The following EFHB variants were observed in gnomAD, a reference collection of about 807,000 sequenced individuals.
EFHB encodes EF-hand domain family member B, also known as EF-hand domain-containing family member B.
EFHB carries 91 observed loss-of-function variants against 87.2 expected under a neutral mutation model. That is an observed-to-expected ratio of 1.04 (90% CI 0.88 to 1.24). The LOEUF (loss-of-function observed/expected upper bound fraction) is 1.24. Ranked by LOEUF, EFHB falls within the 50% of genes most tolerant of loss-of-function variation. The pLI is 0.00. For missense variants in EFHB, 1,084 were observed against 998.8 expected (o/e 1.09, Z -1.15); for synonymous variants, 325 against 333.6 (o/e 0.97, Z 0.28).
chr3:19,919,694 T>C (rs1214397008), intron 3 of EFHB, 139 bp downstream of exon 3: 13 of 870,126 alleles, frequency 1.5e-5, no homozygotes, highest in Non-Finnish European at 2.3e-5. Context: ...TAAATGCTTT[T>C]GGAAGACAGA....
At chr3:19,906,501 G>A (rs555874129) in intron 5 of EFHB, among the ~76,000 whole-genome samples, 5 of 152,038 alleles carry the variant, frequency 3.3e-5, no homozygotes, top group African/African-American at 4.8e-5. Flanking sequence ...TTAACCAAGG[G>A]GGTAAAAGAC....
intron 6 of EFHB, among the ~76,000 whole-genome samples, chr3:19,900,665 A>G (rs1051178429): frequency 2.0e-5 from 3 of 152,188 alleles, no homozygotes; most frequent in Non-Finnish European, 4.4e-5. Context: ...ACGGTGGCTC[A>G]TACCTGTAAT....
intron 6 of EFHB, among the ~76,000 whole-genome samples, chr3:19,900,102 G>A (rs1694620776): frequency 1.3e-5 from 2 of 151,868 alleles, no homozygotes; most frequent in Non-Finnish European, 2.9e-5. Flanking sequence ...AGTGTAACTC[G>A]TAAAATTGCT....
intron 1 of EFHB, among the ~76,000 whole-genome samples, chr3:19,924,688 C>A (rs1695556932): frequency 6.6e-6 from 1 of 152,084 alleles, no homozygotes; most frequent in Admixed American, 6.6e-5. Flanking sequence ...CTTTAGGATT[C>A]TTCTCATTTT....
chr3:19,879,905 A>C, intron 12 of EFHB, 101 bp from the exon 13 acceptor site: 2 of 1,193,434 alleles, frequency 1.7e-6, no homozygotes, highest in Non-Finnish European at 2.3e-6. Context: ...TTTTCCAAAA[A>C]AGTATGTGTG....
At position 19,882,545 on chromosome 3, in the gene EFHB, T is replaced by A; in HGVS notation, c.2328+5A>T. On this transcript the variant is annotated splice_donor_5th_base_variant and intron_variant, in intron 12 of 12. Transcript: ENST00000295824. The stretch of plus-strand genomic sequence containing the variant: ...TTTCCATTTTTGTATGCTTATATGC[T>A]ATACCTCTTCTTTTGATCTGGTCTT... 6.3e-7 allele frequency: 1 copy of A among 1,590,068 alleles called. No homozygotes were observed.
chr3:19,934,865 T>G (rs1011438959), upstream of EFHB, among the ~76,000 whole-genome samples: 4 of 152,220 alleles, frequency 2.6e-5, no homozygotes, highest in African/African-American at 9.6e-5. Context: ...TTAAAGTCCT[T>G]GAGAACACTT....
At chr3:19,910,097 T>C (rs1447349666) in intron 5 of EFHB, among the ~76,000 whole-genome samples, 1 of 151,764 alleles carries the variant, frequency 6.6e-6, no homozygotes, top group African/African-American at 2.4e-5. Flanking sequence ...AGGGGAACTT[T>C]GTCCTACACC....
chr3:19,934,096 C>CT lies in EFHB; in HGVS notation c.-79dup. 1 of 1,485,824 alleles carries CT rather than the reference C, an allele frequency of 6.7e-7. No individual in the cohort carries two copies. Among genetic ancestry groups the CT allele is most frequent in the Admixed American group, 2.3e-5 (1 of 43,532 alleles). 92.0% of individuals were successfully genotyped at this position (1,485,824 alleles called of 1,614,324 possible). A position where few individuals can be genotyped will look rare whatever the true frequency, so the allele number is the denominator to read the frequency against. ...AAGCTGTACCTGGCTACAAAGACGC[C>CT]TCCAATCCCTTGCGGAACCCCTCTC... is the stretch of plus-strand genomic sequence containing the variant. On this transcript the variant is annotated 5_prime_UTR_variant, in exon 1 of 13. Coordinates refer to ENST00000295824, the MANE Select transcript of EFHB (RefSeq NM_144715.4).
intron 1 of EFHB, among the ~76,000 whole-genome samples, chr3:19,926,952 G>A (rs9859286): frequency 0.057 from 8,635 of 152,144 alleles, 798 homozygotes; most frequent in African/African-American, 0.19. Context: ...GAGCCACCCC[G>A]CCCGGACTTG....
chr3:19,923,273 GAA>G (rs200670155), intron 1 of EFHB, among the ~76,000 whole-genome samples: 4 of 127,326 alleles, frequency 3.1e-5, no homozygotes, highest in African/African-American at 2.9e-5. Context: ...GTCTCAAAAG[GAA>G]AAAAAAAAAA....
chr3:19,933,822 A>C lies in EFHB; in HGVS notation c.197T>G (p.Leu66Trp), dbSNP rs775793704. ...RMAPPETKFP[L>W]SKGLEMGLER... ...TAATCCCATTTCAAGCCCCTTGCTC[A>C]ATGGAAATTTTGTTTCTGGTGGTGC... Residue 66 changes from leucine (L) to tryptophan (W), a missense_variant, in exon 1 of 13, where the codon TTG becomes TGG. Coordinates refer to ENST00000295824, the MANE Select transcript of EFHB (RefSeq NM_144715.4). The C allele has an allele frequency of 6.2e-7, 1 of 1,613,824 alleles. No homozygotes were observed. Among genetic ancestry groups the C allele is most frequent in the Non-Finnish European group, 8.5e-7 (1 of 1,179,848 alleles).
At chr3:19,934,769 C>T (rs1414737584), upstream of EFHB, among the ~76,000 whole-genome samples, 1 of 152,156 alleles carries the variant, frequency 6.6e-6, no homozygotes, top group African/African-American at 2.4e-5. Flanking sequence ...CCAAGTACCT[C>T]CGCCCTGCAT....
intron 5 of EFHB, among the ~76,000 whole-genome samples, chr3:19,906,957 G>A (rs1694862314): frequency 6.6e-6 from 1 of 151,432 alleles, no homozygotes. Flanking sequence ...AAGAAATGAC[G>A]ACACAAGGAT....
At chr3:19,920,406 A>G in intron 2 of EFHB, 99 bp downstream of exon 2, 1 of 986,464 alleles carries the variant, frequency 1.0e-6, no homozygotes, top group Non-Finnish European at 1.5e-6. Context: ...GACCACATTA[A>G]GTTTATACCA....
intron 1 of EFHB, among the ~76,000 whole-genome samples, chr3:19,939,367 CTCCT>C (rs1559479861): frequency 2.9e-5 from 3 of 102,484 alleles, no homozygotes; most frequent in African/African-American, 1.2e-4. Flanking sequence ...TGGGTTGGGT[CTCCT>C]TTTTTTTTTT....
At chr3:19,897,898 T>C (rs138940741) in intron 8 of EFHB, among the ~76,000 whole-genome samples, 4 of 152,358 alleles carry the variant, frequency 2.6e-5, no homozygotes, top group African/African-American at 9.6e-5. Context: ...AAATATTTAT[T>C]CTACCTGTCA....
At chr3:19,920,866 G>A (rs1158392775) in intron 1 of EFHB, among the ~76,000 whole-genome samples, 1 of 152,094 alleles carries the variant, frequency 6.6e-6, no homozygotes, top group Non-Finnish European at 1.5e-5. Flanking sequence ...TCAACCTTCA[G>A]AACAATCTTC....
At chr3:19,898,436 C>A (rs2931384) in intron 8 of EFHB, among the ~76,000 whole-genome samples, 73,091 of 152,020 alleles carry the variant, frequency 0.48, 19,469 homozygotes, top group African/African-American at 0.73. Context: ...CACTTTGAGA[C>A]GTTAGGACTA....
Sources: allele counts gnomAD v4.1 joint callset (sites outside exome capture counted in the v4.1 genomes callset), GRCh38; gene constraint gnomAD v4.1.1; transcripts MANE v1.5; gene names NCBI Gene and HGNC (gene_info 2026-07-23, HGNC 2026-07-21).